Variants in RASEF observed in about 807,000 individuals in gnomAD.
RASEF encodes ras and EF-hand domain-containing protein.
A neutral mutation model predicts 90.1 loss-of-function variants in RASEF; 68 were observed. The observed-to-expected ratio is 0.75, with a 90% CI of 0.62 to 0.92. The LOEUF is 0.92. Ranked by LOEUF, RASEF falls within the 40% of genes least tolerant of loss-of-function variation. The pLI, the probability that RASEF is intolerant of heterozygous loss-of-function variation, is 0.00. For missense variants in RASEF, 949 were observed against 937.2 expected, an observed-to-expected ratio of 1.01 and a Z score of -0.16; for synonymous variants, 331 against 345.2, an observed-to-expected ratio of 0.96 and a Z score of 0.46.
At chr9:83,132,790 T>G in the RASEF span, among the ~76,000 whole-genome samples, 2 of 152,200 alleles carry the variant, frequency 1.3e-5, no homozygotes, top group East Asian at 3.9e-4. Context: ...AATGCTCTCT[T>G]CTCATTTGTA....
At chr9:83,011,222 C>T (rs1206871702) in intron 5 of RASEF, among the ~76,000 whole-genome samples, 1 of 152,066 alleles carries the variant, frequency 6.6e-6, no homozygotes, top group Admixed American at 6.5e-5. Flanking sequence ...AATTGCAGAA[C>T]ATATGGGTGG....
Position 83,053,994 on chromosome 9 carries a change from A to T in RASEF, c.431+8443T>A, listed in dbSNP as rs1223408590. On this transcript the variant is annotated intron_variant, in intron 1 of 16. Coordinates refer to ENST00000376447, the MANE Select transcript of RASEF (RefSeq NM_152573.4). ...CCCTTAACATTTTTTCCTTCATTTC[A>T]ACTTTGGTGAATCTGACAATTATGT... Among the ~76,000 whole-genome samples the T allele has an allele frequency of 8.4e-4, 16 of 19,160 alleles. 1 individual carries two copies. Among genetic ancestry groups the T allele is most frequent in the Middle Eastern group, 9.4e-3 (1 of 106 alleles). The allele number at this position is 19,160 out of a possible 152,430, so 12.6% of individuals were successfully genotyped here.
At chr9:83,196,503 G>A in the RASEF span, among the ~76,000 whole-genome samples, 3 of 152,274 alleles carry the variant, frequency 2.0e-5, no homozygotes, top group East Asian at 1.9e-4. Context: ...GGGCAAAAAG[G>A]TCTCGTATGT....
chr9:83,084,141 A>C, the RASEF span, among the ~76,000 whole-genome samples: 1 of 152,142 alleles, frequency 6.6e-6, no homozygotes, highest in Non-Finnish European at 1.5e-5. Flanking sequence ...TTACAGAATG[A>C]TCCATACTTA....
At chr9:83,055,376 T>C in intron 1 of RASEF, 1 of 484,152 alleles carries the variant, frequency 2.1e-6, no homozygotes, top group Non-Finnish European at 3.8e-6. Context: ...GCTTCCCAGG[T>C]GAGGCAATGC....
chr9:82,989,222 A>G lies in RASEF; in HGVS notation c.2117+1169T>C, dbSNP rs1168598110. ...TGTATATATGTATATGTATGTGTGC[A>G]TGTGTGCGTGTGTGTGTGTGTGTAT... On this transcript the variant is annotated intron_variant, in intron 16 of 16. Transcript: ENST00000376447. 5.9e-5 allele frequency among the ~76,000 whole-genome samples: 9 copies of G among 151,510 alleles called. No individual in the cohort carries two copies. In the East Asian group the frequency reaches 9.8e-4, roughly 17 times the overall value.
At chr9:83,085,035 G>T in the RASEF span, among the ~76,000 whole-genome samples, 1 of 152,094 alleles carries the variant, frequency 6.6e-6, no homozygotes, top group African/African-American at 2.4e-5. Context: ...CCACAAAGCG[G>T]TCCTTTATTT....
chr9:83,159,019 T>C, the RASEF span, among the ~76,000 whole-genome samples: 75 of 137,882 alleles, frequency 5.4e-4, no homozygotes, highest in African/African-American at 1.8e-3. Flanking sequence ...AGCCAGTCTC[T>C]ACTAAAAACA....
chr9:83,073,594 A>C, the RASEF span, among the ~76,000 whole-genome samples: 2 of 152,220 alleles, frequency 1.3e-5, no homozygotes, highest in African/African-American at 2.4e-5. Flanking sequence ...TGTGTGGGCT[A>C]TCTGGAAGCC....
chr9:83,055,480 T>C, intron 1 of RASEF: 1 of 673,908 alleles, frequency 1.5e-6, no homozygotes, highest in East Asian at 2.8e-5. Context: ...GTACCTCAGA[T>C]GGAAATGCAG....
At chr9:83,018,195 A>C (rs745997059) in intron 3 of RASEF, among the ~76,000 whole-genome samples, 2 of 142,784 alleles carry the variant, frequency 1.4e-5, no homozygotes, top group Non-Finnish European at 3.0e-5. Context: ...AAATGTTTTT[A>C]TTAATATATT....
chr9:83,084,536 A>G, the RASEF span, among the ~76,000 whole-genome samples: 1 of 152,214 alleles, frequency 6.6e-6, no homozygotes, highest in Non-Finnish European at 1.5e-5. Flanking sequence ...ACCTGCACTA[A>G]GCACTTCAAA....
chr9:83,100,369 A>C, the RASEF span, among the ~76,000 whole-genome samples: 1 of 152,204 alleles, frequency 6.6e-6, no homozygotes, highest in Admixed American at 6.5e-5. Context: ...TGAACTCATA[A>C]AATTTTTCAT....
At chr9:83,118,879 A>G in the RASEF span, among the ~76,000 whole-genome samples, 1 of 152,230 alleles carries the variant, frequency 6.6e-6, no homozygotes, top group African/African-American at 2.4e-5. Flanking sequence ...TGCTTTTGCT[A>G]TGACACATTG....
Position 83,062,613 on chromosome 9 carries a change from A to G in RASEF, c.255T>C (p.Pro85=), listed in dbSNP as rs199783265. 1.9e-6 allele frequency: 3 copies of G among 1,561,394 alleles called. No homozygotes were observed. The highest frequency in any genetic ancestry group is 2.6e-6 in the Non-Finnish European group (3 of 1,157,570). Residue 85 remains proline, a synonymous_variant, in exon 1 of 17, where the codon CCT becomes CCC. Coordinates refer to ENST00000376447, the MANE Select transcript of RASEF (RefSeq NM_152573.4). ...CAGACACGGCGGGCGCGGGATCCAG[A>G]GGACCCCAGTCCCGGCGCCGCCCCC... ...LRGGRRRDWG[P]LDPAPAVSEA...
rs1462910252 is a variant in RASEF, at chr9:83,062,951, C to T, written c.-84G>A. The T allele has an allele frequency of 9.9e-6, 13 of 1,318,262 alleles. No individual in the cohort carries two copies. The highest frequency in any genetic ancestry group is 2.8e-4 in the Middle Eastern group (1 of 3,606). The allele number at this position is 1,318,262 out of a possible 1,614,324, so 81.7% of individuals were successfully genotyped here. ...CTGGAAGGACGGGGCCACCTGCTGC[C>T]GCCGGGAGGCCCGGCGAGTTTGGCT... is the stretch of plus-strand genomic sequence containing the variant. On this transcript the variant is annotated 5_prime_UTR_variant, in exon 1 of 17. Transcript: ENST00000376447.
the RASEF span, among the ~76,000 whole-genome samples, chr9:83,185,447 A>G: frequency 6.6e-6 from 1 of 151,456 alleles, no homozygotes; most frequent in African/African-American, 2.4e-5. Flanking sequence ...TTAGCCTTCC[A>G]AAGTCCTGGG....
chr9:82,999,549 C>A (rs913700647), intron 12 of RASEF, among the ~76,000 whole-genome samples: 3 of 151,850 alleles, frequency 2.0e-5, no homozygotes, highest in African/African-American at 4.8e-5. Flanking sequence ...ATAAATGAAT[C>A]TGATATCTCA....
the RASEF span, among the ~76,000 whole-genome samples, chr9:83,115,381 T>C: frequency 6.6e-6 from 1 of 152,098 alleles, no homozygotes; most frequent in Non-Finnish European, 1.5e-5. Flanking sequence ...TATGGATAAA[T>C]ATAAAACCAA....
Sources: allele counts gnomAD v4.1 joint callset (sites outside exome capture counted in the v4.1 genomes callset), GRCh38; gene constraint gnomAD v4.1.1; transcripts MANE v1.5; gene names NCBI Gene and HGNC (gene_info 2026-07-23, HGNC 2026-07-21).